Variants in FRMD3 observed in about 807,000 individuals in gnomAD.
FRMD3 encodes FERM domain-containing protein 3.
FRMD3 carries 33 observed loss-of-function variants against 70.2 expected under a neutral mutation model. That is an observed-to-expected ratio of 0.47 (90% CI 0.36 to 0.63). The LOEUF is 0.63. FRMD3 is among the 20% of genes least tolerant of loss of function. The pLI is 0.00. For synonymous variants in FRMD3, 279 were observed against 255.9 expected (o/e 1.09, Z -0.86); for missense variants, 632 against 711.4 (o/e 0.89, Z 1.27).
intron 10 of FRMD3, among the ~76,000 whole-genome samples, chr9:83,306,802 C>A (rs1345681503): frequency 2.0e-5 from 3 of 152,098 alleles, no homozygotes; most frequent in Non-Finnish European, 2.9e-5. Context: ...ATCTACAATC[C>A]AATAGAAGTC....
chr9:83,393,069 CTG>C (rs1409036695), intron 1 of FRMD3, among the ~76,000 whole-genome samples: 1 of 152,226 alleles, frequency 6.6e-6, no homozygotes, highest in African/African-American at 2.4e-5. Flanking sequence ...ATTTGATAAT[CTG>C]TGCTTAAAAT....
chr9:83,338,323 GGT>G (rs1301647803), intron 5 of FRMD3, among the ~76,000 whole-genome samples: 1 of 152,192 alleles, frequency 6.6e-6, no homozygotes, highest in Non-Finnish European at 1.5e-5. Flanking sequence ...CAGAGAGCAA[GGT>G]GGGAGTTTTT....
At chr9:83,316,161 C>CTTTTTTTTTTTTTTTTTTT (rs34851421) in intron 6 of FRMD3, among the ~76,000 whole-genome samples, 4 of 112,606 alleles carry the variant, frequency 3.6e-5, no homozygotes, top group African/African-American at 7.4e-5. Context: ...TTTTTTTTTT[C>CTTTTTTTTTTTTTTTTTTT]TTTTTTTTTT....
the FRMD3 span, among the ~76,000 whole-genome samples, chr9:83,569,277 C>T: frequency 6.6e-6 from 1 of 152,194 alleles, no homozygotes; most frequent in African/African-American, 2.4e-5. Context: ...AAAATGCATA[C>T]CATCTACTTA....
chr9:83,484,694 A>G (rs1415478587), intron 1 of FRMD3, among the ~76,000 whole-genome samples: 2 of 152,212 alleles, frequency 1.3e-5, no homozygotes, highest in East Asian at 1.9e-4. Flanking sequence ...CTGGGATTAC[A>G]TGTGTGAGCC....
At chr9:83,283,570 TAATAATC>T (rs1834068435) in intron 13 of FRMD3, among the ~76,000 whole-genome samples, 1 of 145,770 alleles carries the variant, frequency 6.9e-6, no homozygotes, top group Non-Finnish European at 1.5e-5. Flanking sequence ...ATAATAATAA[TAATAATC>T]CAATAGTTGT....
chr9:83,467,611 C>T, intron 1 of FRMD3: 2 of 1,511,204 alleles, frequency 1.3e-6, no homozygotes, highest in Non-Finnish European at 8.9e-7. Flanking sequence ...AGCTGACTGA[C>T]ACATACCTTT....
At chr9:83,510,950 C>T (rs958889760) in intron 1 of FRMD3, among the ~76,000 whole-genome samples, 3 of 152,176 alleles carry the variant, frequency 2.0e-5, no homozygotes, top group African/African-American at 7.2e-5. Context: ...TTGATGGATA[C>T]ACAATTCTGT....
intron 1 of FRMD3, among the ~76,000 whole-genome samples, chr9:83,471,393 C>T (rs1364529048): frequency 2.0e-5 from 3 of 152,184 alleles, no homozygotes; most frequent in Non-Finnish European, 4.4e-5. Flanking sequence ...CAATATCTAG[C>T]GTTACACAAT....
intron 13 of FRMD3, among the ~76,000 whole-genome samples, chr9:83,288,771 C>A (rs1941850901): frequency 6.6e-6 from 1 of 152,194 alleles, no homozygotes; most frequent in African/African-American, 2.4e-5. Flanking sequence ...CAAAAACACA[C>A]CTAATATTTA....
chr9:83,492,167 C>T (rs569410114), intron 1 of FRMD3, among the ~76,000 whole-genome samples: 18 of 152,312 alleles, frequency 1.2e-4, no homozygotes, highest in Non-Finnish European at 1.8e-4. Context: ...GCCCTACATT[C>T]ATTAATGTCC....
Position 83,335,635 on chromosome 9 carries a change from C to A in FRMD3, c.477G>T (p.Glu159Asp), listed in dbSNP as rs1823551399. 4 of 1,612,866 alleles carry A rather than the reference C, an allele frequency of 2.5e-6. No individual in the cohort carries two copies. Among genetic ancestry groups the A allele is most frequent in the Non-Finnish European group, 3.4e-6 (4 of 1,179,342 alleles). The change falls in exon 6 of 14, where the codon GAG becomes GAT. Residue 159 changes from glutamate (E) to aspartate (D), a missense_variant. Physicochemically the swap from Glu to Asp is conservative, Grantham distance 45 (BLOSUM62 2). Transcript: ENST00000304195. Reference protein sequence around the residue: ...AYLGACIVQAELGDYDPDEHP... With the variant: ...AYLGACIVQADLGDYDPDEHP... ...GCTCATCAGGATCGTAATCACCAAGCTCAGCTGTAATGAGTGAAAAAATAA... is the reference window on the plus strand; with the variant it reads ...GCTCATCAGGATCGTAATCACCAAGATCAGCTGTAATGAGTGAAAAAATAA...
chr9:83,292,357 C>G (rs1040397958), intron 12 of FRMD3, among the ~76,000 whole-genome samples: 2 of 151,822 alleles, frequency 1.3e-5, no homozygotes, highest in Non-Finnish European at 2.9e-5. Context: ...ACGGGGTTCA[C>G]TGTGTTAACC....
At chr9:83,303,775 T>C (rs979215463) in intron 10 of FRMD3, among the ~76,000 whole-genome samples, 3 of 152,294 alleles carry the variant, frequency 2.0e-5, no homozygotes, top group African/African-American at 7.2e-5. Context: ...TTAGTATAAT[T>C]CATGAAGTTA....
chr9:83,330,961 G>T (rs1049939225), intron 6 of FRMD3, among the ~76,000 whole-genome samples: 1 of 152,186 alleles, frequency 6.6e-6, no homozygotes, highest in Non-Finnish European at 1.5e-5. Context: ...CCAAATGTTG[G>T]CAAGGATGTG....
intron 1 of FRMD3, among the ~76,000 whole-genome samples, chr9:83,523,397 C>T (rs1829623015): frequency 6.6e-6 from 1 of 152,144 alleles, no homozygotes; most frequent in African/African-American, 2.4e-5. Flanking sequence ...ATCTCACAAT[C>T]TCTCCCTCTC....
intron 13 of FRMD3, among the ~76,000 whole-genome samples, chr9:83,249,987 C>T (rs1535747): frequency 0.81 from 123,172 of 152,134 alleles, 49,992 homozygotes; most frequent in East Asian, 0.96. Context: ...GTACTCAGAA[C>T]GCTGGAACCC....
intron 1 of FRMD3, among the ~76,000 whole-genome samples, chr9:83,488,108 T>C (rs1587463029): frequency 2.6e-5 from 4 of 152,174 alleles, no homozygotes; most frequent in African/African-American, 7.2e-5. Flanking sequence ...TACATCAACA[T>C]ATATACTCCT....
intron 1 of FRMD3, among the ~76,000 whole-genome samples, chr9:83,441,119 G>A (rs1008396089): frequency 6.6e-6 from 1 of 152,144 alleles, no homozygotes; most frequent in Non-Finnish European, 1.5e-5. Flanking sequence ...GACCCTCATG[G>A]AACATTACAG....
Sources: gnomAD v4.1 joint callset for allele counts (sites outside exome capture counted in the v4.1 genomes callset) on GRCh38, gnomAD v4.1.1 for gene constraint, MANE v1.5 for transcripts, NCBI Gene and HGNC (gene_info 2026-07-23, HGNC 2026-07-21) for gene names.